The following POLR3A variants were observed in gnomAD, a reference collection of about 807,000 sequenced individuals.
POLR3A encodes the protein RNA polymerase III subunit A.
A neutral mutation model predicts 152.8 loss-of-function variants in POLR3A; 112 were observed. The ratio of observed to expected loss-of-function variants is 0.73; its 90% confidence interval spans 0.63 to 0.86. POLR3A has a LOEUF of 0.86. Ranked by LOEUF, POLR3A falls within the 40% of genes least tolerant of loss-of-function variation. The pLI, the probability that POLR3A is intolerant of heterozygous loss-of-function variation, is 0.00. For synonymous variants in POLR3A, 615 were observed against 652.1 expected (o/e 0.94, Z 0.87); for missense variants, 1,385 against 1,743.1 (o/e 0.79, Z 3.66).
At chr10:77,994,965 G>A (rs1213257824) in intron 19 of POLR3A, among the ~76,000 whole-genome samples, 3 of 152,094 alleles carry the variant, frequency 2.0e-5, no homozygotes, top group African/African-American at 4.8e-5. Context: ...CGGATCTCTC[G>A]GCAGAAACTC....
rs1231861311 is a variant in POLR3A, at chr10:77,976,957, A to C, written c.*521T>G. 1 of 154,268 alleles carries C rather than the reference A, an allele frequency of 6.5e-6. No homozygotes were observed. Among genetic ancestry groups the C allele is most frequent in the African/African-American group, 2.4e-5 (1 of 41,476 alleles). The allele number at this position is 154,268 out of a possible 1,614,324, so 9.6% of individuals were successfully genotyped here. A position where few individuals can be genotyped will look rare whatever the true frequency, so the allele number is the denominator to read the frequency against. ...TTTCAAAAATAAAACTAAAATAACA[A>C]AAATTCCAAATCCCTCAAATGGAAC... is the stretch of plus-strand genomic sequence containing the variant. On this transcript the variant is annotated 3_prime_UTR_variant, in exon 31 of 31. Transcript: ENST00000372371.
At chr10:77,997,590 A>G (rs1233700002) in intron 19 of POLR3A, among the ~76,000 whole-genome samples, 11 of 152,166 alleles carry the variant, frequency 7.2e-5, no homozygotes, top group African/African-American at 2.4e-5. Context: ...TAGGAATCCA[A>G]CTTACAAGGG....
intron 18 of POLR3A, among the ~76,000 whole-genome samples, chr10:78,000,674 A>G (rs1847348366): frequency 6.6e-6 from 1 of 152,188 alleles, no homozygotes; most frequent in South Asian, 2.1e-4. Context: ...TGTAATAATT[A>G]CATATGAAGT....
chr10:78,004,016 A>T (rs1847385526), intron 16 of POLR3A, among the ~76,000 whole-genome samples: 1 of 149,498 alleles, frequency 6.7e-6, no homozygotes, highest in Non-Finnish European at 1.5e-5. Flanking sequence ...TGGGCAGATC[A>T]CGAGGTCAGG....
At chr10:78,017,282 A>G (rs1015825496) in intron 10 of POLR3A, among the ~76,000 whole-genome samples, 2 of 151,832 alleles carry the variant, frequency 1.3e-5, no homozygotes, top group Non-Finnish European at 2.9e-5. Flanking sequence ...AAAACAAAAA[A>G]CAAAAAAACC....
At chr10:78,001,289 G>C (rs1384110989) in intron 17 of POLR3A, among the ~76,000 whole-genome samples, 195 bp from the exon 18 acceptor site, 1 of 152,214 alleles carries the variant, frequency 6.6e-6, no homozygotes, top group African/African-American at 2.4e-5. Flanking sequence ...ACGACGGCGA[G>C]AGGAGCCAGG....
chr10:78,028,730 T>C (rs1454641199), intron 1 of POLR3A, among the ~76,000 whole-genome samples: 1 of 152,064 alleles, frequency 6.6e-6, no homozygotes, highest in Non-Finnish European at 1.5e-5. Context: ...CTCAAACTCC[T>C]GAGCTCAGGA....
chr10:77,985,898 C>A lies in POLR3A; in HGVS notation c.3071+5G>T. The A allele has an allele frequency of 6.2e-7, 1 of 1,610,214 alleles. No individual in the cohort carries two copies. The highest frequency in any genetic ancestry group is 1.7e-4 in the Middle Eastern group (1 of 6,056). ...ACCGTCAGTCCAAGACAAAAGCATC[C>A]CTACCTCATGTACTTGTCCCTACAG... On this transcript the variant is annotated splice_donor_5th_base_variant and intron_variant, in intron 23 of 30. Transcript: ENST00000372371.
intron 29 of POLR3A, 129 bp downstream of exon 29, chr10:77,981,299 A>G (rs909385967): frequency 1.1e-6 from 1 of 952,216 alleles, no homozygotes; most frequent in Non-Finnish European, 1.7e-6. Flanking sequence ...CAATGTTCAC[A>G]TCTTATTTTC....
intron 10 of POLR3A, among the ~76,000 whole-genome samples, chr10:78,016,364 A>G (rs1468735576): frequency 6.8e-6 from 1 of 147,856 alleles, no homozygotes; most frequent in Non-Finnish European, 1.5e-5. Context: ...AGCACAGGAG[A>G]TTGCGACCCA....
chr10:77,982,652 C>T lies in POLR3A; in HGVS notation c.3594+1G>A, dbSNP rs1189374070. The T allele has an allele frequency of 6.2e-7, 1 of 1,612,612 alleles. No individual in the cohort carries two copies. The highest frequency in any genetic ancestry group is 8.5e-7 in the Non-Finnish European group (1 of 1,179,926). On this transcript the variant is annotated splice_donor_variant, in intron 27 of 30. Coordinates refer to ENST00000372371, the MANE Select transcript of POLR3A (RefSeq NM_007055.4). LOFTEE classifies it high-confidence loss of function. ...TCCATGAGAAGCGACTTCTGTTTCA[C>T]CTTGGGGAGATCCTCTTTCAGGAAC...
At position 77,977,383 on chromosome 10, in the gene POLR3A, C is replaced by G. The variant is rs1847099184; in HGVS notation, c.*95G>C. The G allele has an allele frequency of 1.0e-5, 14 of 1,335,488 alleles. No homozygotes were observed. In the South Asian group the frequency reaches 1.6e-4, roughly 16 times the overall value. 82.7% of individuals were successfully genotyped at this position (1,335,488 alleles called of 1,614,324 possible). A position where few individuals can be genotyped will look rare whatever the true frequency, so the allele number is the denominator to read the frequency against. On this transcript the variant is annotated 3_prime_UTR_variant, in exon 31 of 31. Coordinates refer to ENST00000372371, the MANE Select transcript of POLR3A (RefSeq NM_007055.4). ...TGATTGCTGGCATAGGTGGGGACCT[C>G]AGGACCCCCGTCCCAGGGAGCACAA...
At position 77,976,559 on chromosome 10, in the gene POLR3A, T is replaced by C. The variant is rs1847090841; in HGVS notation, c.*919A>G. ...ATTCTAACACAGATCCAAGAACCAA[T>C]GGCTACCCCGGGTACCTTAACAGCA... is the stretch of plus-strand genomic sequence containing the variant. On this transcript the variant is annotated 3_prime_UTR_variant, in exon 31 of 31. Transcript: ENST00000372371. 6.6e-6 allele frequency: 1 copy of C among 152,198 alleles called. No individual in the cohort carries two copies. Among genetic ancestry groups the C allele is most frequent in the South Asian group, 2.1e-4 (1 of 4,824 alleles). The allele number at this position is 152,198 out of a possible 1,614,324, so 9.4% of individuals were successfully genotyped here. A position where few individuals can be genotyped will look rare whatever the true frequency, so the allele number is the denominator to read the frequency against.
intron 8 of POLR3A, 26 bp from the exon 9 acceptor site, chr10:78,019,291 G>C (rs369173893): frequency 1.4e-6 from 2 of 1,418,532 alleles, no homozygotes; most frequent in South Asian, 2.3e-5. Flanking sequence ...ACCACAATAA[G>C]TTACTCCCAG....
chr10:78,026,516 C>A (rs1323894203), intron 1 of POLR3A, among the ~76,000 whole-genome samples: 2 of 152,214 alleles, frequency 1.3e-5, no homozygotes, highest in Non-Finnish European at 2.9e-5. Context: ...TTTACCTCTG[C>A]AGCACTGGCA....
rs778127195 is a variant in POLR3A at position 78,017,589 on chromosome 10, T to C, written c.1417A>G (p.Ile473Val). Residue 473 changes from isoleucine (I) to valine (V), a missense_variant, in exon 10 of 31, where the codon ATT (isoleucine) becomes GTT (valine). Physicochemically the swap from Ile to Val is conservative, Grantham distance 29 (BLOSUM62 3). Around this residue, in one of 7 missense-constraint regions of POLR3A, gnomAD observed 493 missense variants for 647.5 expected, o/e 0.76. Coordinates refer to ENST00000372371, the MANE Select transcript of POLR3A (RefSeq NM_007055.4). ...NRQPSLHKLSIMAHLARVKPH... is the reference protein window; with the variant it reads ...NRQPSLHKLSVMAHLARVKPH... The stretch of plus-strand genomic sequence containing the variant: ...GTGCTACTCACCAGATGAGCCATAA[T>C]GCTCAATTTGTGCAGCGAGGGCTGC... 1.9e-6 allele frequency: 3 copies of C among 1,614,184 alleles called. No individual in the cohort carries two copies. Among genetic ancestry groups the C allele is most frequent in the Non-Finnish European group, 2.5e-6 (3 of 1,179,992 alleles).
rs16935524 is a variant in POLR3A, at chr10:77,994,110, G to C, written c.2617-743C>G. Among the ~76,000 whole-genome samples the C allele has an allele frequency of 9.9e-3, 1,511 of 152,284 alleles. 33 individuals are homozygous for C. Among genetic ancestry groups the C allele is most frequent in the African/African-American group, 0.035 (1,456 of 41,542 alleles). ...ACACATTATGACAAGAGTGGTAAAA[G>C]TATTTCACAGTCTATTGGGTTTCTG... On this transcript the variant is annotated intron_variant, in intron 19 of 30. Transcript: ENST00000372371.
intron 27 of POLR3A, 134 bp from the exon 28 acceptor site, chr10:77,982,452 G>A (rs879355256): frequency 1.6e-5 from 16 of 993,534 alleles, no homozygotes; most frequent in Non-Finnish European, 2.4e-5. Flanking sequence ...AGGGAGAACA[G>A]AAGTTGTTCA....
chr10:77,991,990 A>G (rs1372938586), intron 20 of POLR3A, among the ~76,000 whole-genome samples: 1 of 152,212 alleles, frequency 6.6e-6, no homozygotes, highest in South Asian at 2.1e-4. Context: ...TAGTTAGACC[A>G]TTTCTAGAGG....
Sources: gnomAD v4.1 joint callset for allele counts (sites outside exome capture counted in the v4.1 genomes callset) on GRCh38, gnomAD v4.1.1 for gene constraint, gnomAD v4.1.1 regional missense constraint, MANE v1.5 for transcripts, NCBI Gene and HGNC (gene_info 2026-07-23, HGNC 2026-07-21) for gene names.